TRIO: variants seen among roughly 807,000 people sequenced by gnomAD.
The protein encoded by TRIO is trio Rho guanine nucleotide exchange factor.
In TRIO, 58 loss-of-function variants were observed where a neutral mutation model predicts 351.9. The ratio of observed to expected loss-of-function variants is 0.16; its 90% CI spans 0.13 to 0.21. The LOEUF is 0.21. Ranked by LOEUF, TRIO falls within the 10% of genes least tolerant of loss-of-function variation. The pLI is 1.00. For missense variants in TRIO, 3,201 were observed against 4,027.8 expected (o/e 0.79, Z 5.56); for synonymous variants, 1,758 against 1,595.7 (o/e 1.10, Z -2.42).
rs776118053 is a variant in TRIO at position 14,498,588 on chromosome 5, C to T, written c.8280C>T (p.Ile2760=). The change falls in exon 53 of 57, where the codon ATC becomes ATT. Residue 2760 remains isoleucine, a synonymous_variant. Coordinates refer to ENST00000344204, the MANE Select transcript of TRIO (RefSeq NM_007118.4). The stretch of plus-strand genomic sequence containing the variant: ...AAGATGACGGCATCTACACGTGCAT[C>T]GCTGTCAATGACATGGGTTCAGCCT... ...TTEDDGIYTC[I]AVNDMGSASS... is the part of the protein sequence containing the mutation. 5.0e-6 allele frequency: 8 copies of T among 1,614,216 alleles called. No homozygotes were observed. The highest frequency in any genetic ancestry group is 2.2e-5 in the East Asian group (1 of 44,876).
At chr5:14,384,071 T>A (rs1174591284) in intron 21 of TRIO, among the ~76,000 whole-genome samples, 1 of 152,190 alleles carries the variant, frequency 6.6e-6, no homozygotes, top group Non-Finnish European at 1.5e-5. Flanking sequence ...AGGCACCACC[T>A]GCATCCAGGT....
At chr5:14,482,459 A>T (rs1427396876) in intron 45 of TRIO, 123 bp from the exon 46 acceptor site, 17 of 778,358 alleles carry the variant, frequency 2.2e-5, no homozygotes, top group Non-Finnish European at 3.1e-5. Flanking sequence ...ATTAAACTCC[A>T]TAAATTAATA....
intron 8 of TRIO, among the ~76,000 whole-genome samples, chr5:14,316,093 C>CT (rs1267209277): frequency 6.6e-6 from 1 of 152,168 alleles, no homozygotes; most frequent in Non-Finnish European, 1.5e-5. Context: ...GCTGTATTCT[C>CT]TTTAACATGT....
At chr5:14,413,287 G>A (rs966087424) in intron 33 of TRIO, among the ~76,000 whole-genome samples, 19 of 152,348 alleles carry the variant, frequency 1.2e-4, no homozygotes, top group African/African-American at 4.1e-4. Context: ...TGTGGAATGG[G>A]CACAATTACT....
intron 33 of TRIO, among the ~76,000 whole-genome samples, chr5:14,418,149 A>G (rs976494424): frequency 6.6e-6 from 1 of 152,180 alleles, no homozygotes; most frequent in African/African-American, 2.4e-5. Flanking sequence ...TGGGGAGCTT[A>G]GAATAGAGGG....
chr5:14,370,368 A>C (rs1579453086), intron 18 of TRIO, among the ~76,000 whole-genome samples: 1 of 152,332 alleles, frequency 6.6e-6, no homozygotes, highest in Non-Finnish European at 1.5e-5. Context: ...ACATTTAGCA[A>C]CATTTGGTGC....
chr5:14,406,757 G>A, intron 33 of TRIO, 85 bp downstream of exon 33: 2 of 1,369,104 alleles, frequency 1.5e-6, no homozygotes, highest in Non-Finnish European at 2.1e-6. Context: ...GTTACTCACA[G>A]TTTGTCATCA....
intron 21 of TRIO, among the ~76,000 whole-genome samples, chr5:14,384,941 T>C (rs886921125): frequency 6.6e-6 from 1 of 151,832 alleles, no homozygotes; most frequent in African/African-American, 2.4e-5. Flanking sequence ...ACCAAGAAAA[T>C]GGACAAAAGA....
At chr5:14,427,549 C>T (rs991444065) in intron 34 of TRIO, among the ~76,000 whole-genome samples, 1 of 152,210 alleles carries the variant, frequency 6.6e-6, no homozygotes, top group Non-Finnish European at 1.5e-5. Context: ...CAACCACTTT[C>T]CAAGGTGCCA....
chr5:14,192,803 C>T (rs370561118), intron 1 of TRIO, among the ~76,000 whole-genome samples: 2 of 152,242 alleles, frequency 1.3e-5, no homozygotes, highest in East Asian at 1.9e-4. Context: ...TTGGACTGCC[C>T]TTAAAATAAA....
chr5:14,399,145 T>C (rs765992152), intron 30 of TRIO, 75 bp downstream of exon 30: 2 of 1,369,620 alleles, frequency 1.5e-6, no homozygotes, highest in Non-Finnish European at 2.1e-6. Context: ...AGAAGAATTG[T>C]TCATTGTCTT....
At chr5:14,336,861 T>C in intron 11 of TRIO, 134 bp downstream of exon 11, 1 of 910,922 alleles carries the variant, frequency 1.1e-6, no homozygotes, top group Non-Finnish European at 1.7e-6. Context: ...CCATTAGTGC[T>C]GAGTGTGTCT....
At position 14,259,062 on chromosome 5, in the gene TRIO, G is replaced by A. The variant is rs150866117; in HGVS notation, c.158-11763G>A. Among the ~76,000 whole-genome samples the A allele has an allele frequency of 3.8e-3, 582 of 152,296 alleles. 6 individuals carry two copies. Among genetic ancestry groups the A allele is most frequent in the Middle Eastern group, 0.017 (5 of 294 alleles). On this transcript the variant is annotated intron_variant, in intron 1 of 56. Transcript: ENST00000344204. ...TGGTCGTTTCCTCAAGCTCACTTGC[G>A]TCTCCAAGCAGTGATTTCCTTCTGA...
intron 33 of TRIO, among the ~76,000 whole-genome samples, chr5:14,418,236 T>C (rs1244606746): frequency 6.6e-6 from 1 of 152,124 alleles, no homozygotes; most frequent in Non-Finnish European, 1.5e-5. Flanking sequence ...AGGGAGGTGC[T>C]TCTGGCCACT....
At chr5:14,393,563 C>T (rs1304708369) in intron 27 of TRIO, among the ~76,000 whole-genome samples, 1 of 152,150 alleles carries the variant, frequency 6.6e-6, no homozygotes, top group South Asian at 2.1e-4. Flanking sequence ...ATGCTTCTTA[C>T]CAGTAACAAG....
At chr5:14,464,593 C>T (rs925302549) in intron 36 of TRIO, among the ~76,000 whole-genome samples, 1 of 152,130 alleles carries the variant, frequency 6.6e-6, no homozygotes, top group Non-Finnish European at 1.5e-5. Context: ...TTCTTCACCC[C>T]ATATTCCAAA....
intron 8 of TRIO, among the ~76,000 whole-genome samples, chr5:14,305,191 C>T (rs1036030311): frequency 3.3e-5 from 5 of 152,222 alleles, no homozygotes; most frequent in African/African-American, 9.6e-5. Flanking sequence ...TAAATGACTG[C>T]GCCAGGTCAG....
At position 14,417,367 on chromosome 5, in the gene TRIO, T is replaced by C. The variant is rs187437527; in HGVS notation, c.4960-2411T>C. Among the ~76,000 whole-genome samples, 63 of 152,364 alleles carry C rather than the reference T, an allele frequency of 4.1e-4. 1 individual carries two copies. The highest frequency in any genetic ancestry group is 6.8e-3 in the Middle Eastern group (2 of 294). On this transcript the variant is annotated intron_variant, in intron 33 of 56. Coordinates refer to ENST00000344204, the MANE Select transcript of TRIO (RefSeq NM_007118.4). ...TTGTCTAGTGGACATGTGTTTCTTA[T>C]TCTGAATATCTGAACTTTCTCTTAA... is the stretch of plus-strand genomic sequence containing the variant.
chr5:14,339,189 A>G (rs1452701429), intron 11 of TRIO, among the ~76,000 whole-genome samples: 1 of 151,736 alleles, frequency 6.6e-6, no homozygotes, highest in Non-Finnish European at 1.5e-5. Flanking sequence ...GTGAGCCGAG[A>G]TCACACCATT....
Sources: gnomAD v4.1 joint callset for allele counts (sites outside exome capture counted in the v4.1 genomes callset) on GRCh38, gnomAD v4.1.1 for gene constraint, MANE v1.5 for transcripts, NCBI Gene and HGNC (gene_info 2026-07-23, HGNC 2026-07-21) for gene names.